STRBP: variants seen among roughly 807,000 people sequenced by gnomAD.
STRBP encodes the protein spermatid perinuclear RNA binding protein, also known as spermatid perinuclear RNA-binding protein.
A neutral mutation model predicts 80.1 loss-of-function variants in STRBP; 13 were observed. That is an observed-to-expected ratio of 0.16 (90% confidence interval 0.11 to 0.26). The LOEUF is 0.26. Among genes scored for constraint, STRBP ranks in the 10% least tolerant of loss-of-function variants. The pLI, the probability that STRBP is intolerant of heterozygous loss-of-function variation, is 1.00. For missense variants in STRBP, 485 were observed against 815.2 expected (o/e 0.59, Z 4.93); for synonymous variants, 284 against 291.2 (o/e 0.98, Z 0.25).
intron 17 of STRBP, among the ~76,000 whole-genome samples, chr9:123,129,748 C>G (rs925501325): frequency 3.9e-5 from 6 of 152,204 alleles, no homozygotes; most frequent in Non-Finnish European, 8.8e-5. Flanking sequence ...TTCTAAATCT[C>G]CTGTTTGAGA....
Position 123,123,433 on chromosome 9 carries a change from G to T in STRBP, c.*2164C>A. The T allele has an allele frequency of 1.0e-6, 1 of 984,988 alleles. No homozygotes were observed. The highest frequency in any genetic ancestry group is 1.2e-6 in the Non-Finnish European group (1 of 829,888). 61.0% of individuals were successfully genotyped at this position (984,988 alleles called of 1,614,324 possible). A position where few individuals can be genotyped will look rare whatever the true frequency, so the allele number is the denominator to read the frequency against. ...TGGTTACCACTTCTAACAAAGGACT[G>T]ACAGCTCGATTATTTTAAGTAAAGC... On this transcript the variant is annotated 3_prime_UTR_variant, in exon 19 of 19. Coordinates refer to ENST00000348403, the MANE Select transcript of STRBP (RefSeq NM_018387.5).
intron 2 of STRBP, among the ~76,000 whole-genome samples, chr9:123,233,024 T>C (rs1311927336): frequency 6.6e-6 from 1 of 152,244 alleles, no homozygotes; most frequent in Non-Finnish European, 1.5e-5. Flanking sequence ...GCTCAATTAA[T>C]GACTGTCATC....
Position 123,158,440 on chromosome 9 carries a change from G to T in STRBP, c.836-11C>A. On this transcript the variant is annotated splice_polypyrimidine_tract_variant and intron_variant, in intron 9 of 18. Coordinates refer to ENST00000348403, the MANE Select transcript of STRBP (RefSeq NM_018387.5). ...GAAGACCAGGACCCCCTTTGGCAAA[G>T]GAAAAACACAAGTATCATTTAGAAC... The T allele has an allele frequency of 1.9e-6, 3 of 1,611,146 alleles. No homozygotes were observed. The highest frequency in any genetic ancestry group is 2.5e-6 in the Non-Finnish European group (3 of 1,178,178).
chr9:123,250,230 T>G (rs895556927), intron 1 of STRBP, among the ~76,000 whole-genome samples: 3 of 152,248 alleles, frequency 2.0e-5, no homozygotes, highest in African/African-American at 7.2e-5. Flanking sequence ...ATATACTTCA[T>G]CAAGAATATT....
chr9:123,211,928 A>G (rs1373744268), intron 2 of STRBP, among the ~76,000 whole-genome samples: 1 of 152,216 alleles, frequency 6.6e-6, no homozygotes, highest in Non-Finnish European at 1.5e-5. Context: ...TATAGAAAAT[A>G]ATCTTGCTTT....
At chr9:123,236,657 T>TAAAAA (rs780963051) in intron 2 of STRBP, among the ~76,000 whole-genome samples, 173 bp downstream of exon 2, 1 of 130,778 alleles carries the variant, frequency 7.6e-6, no homozygotes, top group Non-Finnish European at 1.7e-5. Context: ...TAGGATTTTC[T>TAAAAA]AAAAAAAAAA....
At chr9:123,262,568 G>T (rs2041181122) in intron 1 of STRBP, among the ~76,000 whole-genome samples, 1 of 152,174 alleles carries the variant, frequency 6.6e-6, no homozygotes, top group African/African-American at 2.4e-5. Context: ...ACAATGCAAG[G>T]CTGTGATTTT....
intron 2 of STRBP, among the ~76,000 whole-genome samples, chr9:123,197,450 T>C (rs963840669): frequency 1.3e-5 from 2 of 152,134 alleles, no homozygotes; most frequent in Non-Finnish European, 2.9e-5. Flanking sequence ...ATCACCCAAG[T>C]AGTGTACACT....
At chr9:123,240,816 T>A (rs116988017) in intron 1 of STRBP, among the ~76,000 whole-genome samples, 3 of 152,148 alleles carry the variant, frequency 2.0e-5, no homozygotes, top group Non-Finnish European at 4.4e-5. Context: ...CACCACACTA[T>A]ATCAACAATC....
intron 13 of STRBP, among the ~76,000 whole-genome samples, chr9:123,141,263 C>T (rs1318712071): frequency 6.6e-6 from 1 of 152,048 alleles, no homozygotes; most frequent in Non-Finnish European, 1.5e-5. Context: ...CAAGAGAACT[C>T]GAAATTAATT....
Position 123,196,948 on chromosome 9 carries a change from C to T in STRBP, c.-164-12650G>A, listed in dbSNP as rs566938110. ...GGTAACTGCACTCCCATGCTTATTG[C>T]AGCACTATTAACAATAGCCAAGATT... is the stretch of plus-strand genomic sequence containing the variant. On this transcript the variant is annotated intron_variant, in intron 2 of 18. Transcript: ENST00000348403. 7.2e-5 allele frequency among the ~76,000 whole-genome samples: 11 copies of T among 152,248 alleles called. No homozygotes were observed. In the South Asian group the frequency reaches 2.3e-3, roughly 32 times the overall value.
At chr9:123,260,588 T>G (rs990600478) in intron 1 of STRBP, among the ~76,000 whole-genome samples, 1 of 152,188 alleles carries the variant, frequency 6.6e-6, no homozygotes, top group Non-Finnish European at 1.5e-5. Flanking sequence ...GTGCAGAAGA[T>G]AAGGAATTAT....
At chr9:123,127,382 G>A (rs943562516) in intron 18 of STRBP, among the ~76,000 whole-genome samples, 1 of 152,052 alleles carries the variant, frequency 6.6e-6, no homozygotes, top group African/African-American at 2.4e-5. Context: ...ACCCAGCCTG[G>A]GGCATGCTGA....
At chr9:123,240,047 C>T (rs1389984618) in intron 1 of STRBP, among the ~76,000 whole-genome samples, 1 of 152,180 alleles carries the variant, frequency 6.6e-6, no homozygotes, top group Non-Finnish European at 1.5e-5. Context: ...CCATATCTTA[C>T]TATATTATGG....
intron 2 of STRBP, among the ~76,000 whole-genome samples, chr9:123,230,271 T>G (rs1288948394): frequency 6.6e-6 from 1 of 152,176 alleles, no homozygotes; most frequent in African/African-American, 2.4e-5. Flanking sequence ...CTCTTTACAC[T>G]CAAGCGCAAG....
In STRBP at chr9:123,129,240, C is replaced by G. The variant is rs60335531; in HGVS notation, c.1898-982G>C. 4.0e-3 allele frequency among the ~76,000 whole-genome samples: 610 copies of G among 152,100 alleles called. 9 individuals are homozygous for G. Among genetic ancestry groups the G allele is most frequent in the African/African-American group, 0.014 (573 of 41,446 alleles). ...GGTATGGTGGTGCATGCCTGTAGTC[C>G]CAGCTCCTCAGGAGGCTGAGGTGGG... On this transcript the variant is annotated intron_variant, in intron 17 of 18. Transcript: ENST00000348403.
intron 3 of STRBP, chr9:123,111,437 C>T (rs2035565002): frequency 1.0e-5 from 3 of 299,392 alleles, no homozygotes; most frequent in South Asian, 5.7e-5. Context: ...GAGTCTGACT[C>T]GCAAAAGCGG....
intron 18 of STRBP, among the ~76,000 whole-genome samples, chr9:123,127,159 CA>C (rs1330204660): frequency 1.3e-5 from 2 of 152,198 alleles, no homozygotes; most frequent in Non-Finnish European, 2.9e-5. Context: ...GCAAAGTGGT[CA>C]AACTATTCAC....
At chr9:123,180,696 T>A (rs2038420890) in intron 3 of STRBP, among the ~76,000 whole-genome samples, 1 of 152,152 alleles carries the variant, frequency 6.6e-6, no homozygotes, top group South Asian at 2.1e-4. Context: ...ACAGAGTAGA[T>A]TCTATACACT....
Sources: gnomAD v4.1 joint callset for allele counts (sites outside exome capture counted in the v4.1 genomes callset) on GRCh38, gnomAD v4.1.1 for gene constraint, MANE v1.5 for transcripts, NCBI Gene and HGNC (gene_info 2026-07-23, HGNC 2026-07-21) for gene names.